Variants in LPCAT1 observed in about 807,000 individuals in gnomAD.
LPCAT1 encodes the protein lysophosphatidylcholine acyltransferase 1, also known as 1-acylglycerol-3-phosphate O-acyltransferase.
A neutral mutation model predicts 60.9 loss-of-function variants in LPCAT1; 23 were observed. That is an observed-to-expected ratio of 0.38 (90% CI 0.27 to 0.53). The LOEUF is 0.53. Ranked by LOEUF, LPCAT1 falls within the 20% of genes least tolerant of loss-of-function variation. The pLI, the probability that LPCAT1 is intolerant of heterozygous loss-of-function variation, is 0.82. For missense variants in LPCAT1, 622 were observed against 723.6 expected, an observed-to-expected ratio of 0.86 and a Z score of 1.61; for synonymous variants, 340 against 301.1, an observed-to-expected ratio of 1.13 and a Z score of -1.34.
At chr5:1,516,103 C>CACTG (rs2126621467) in intron 1 of LPCAT1, among the ~76,000 whole-genome samples, 1 of 152,346 alleles carries the variant, frequency 6.6e-6, no homozygotes, top group South Asian at 2.1e-4. Context: ...GGCTGGAGGC[C>CACTG]ACTGCCCAGT....
chr5:1,514,239 C>G (rs1736438273), intron 1 of LPCAT1, among the ~76,000 whole-genome samples: 1 of 152,240 alleles, frequency 6.6e-6, no homozygotes, highest in Non-Finnish European at 1.5e-5. Context: ...GGGCCCGGCA[C>G]AGGCCAGGCA....
intron 1 of LPCAT1, among the ~76,000 whole-genome samples, chr5:1,518,658 T>C (rs758407024): frequency 2.6e-5 from 4 of 152,290 alleles, no homozygotes; most frequent in East Asian, 3.9e-4. Context: ...AAACTTAAAA[T>C]GCACCTGCTG....
At chr5:1,484,101 G>A (rs1735280255) in intron 5 of LPCAT1, among the ~76,000 whole-genome samples, 1 of 152,246 alleles carries the variant, frequency 6.6e-6, no homozygotes, top group Admixed American at 6.5e-5. Context: ...AGGACGGGCG[G>A]ATTTGGTCAC....
chr5:1,464,631 CCA>C (rs1472367256), intron 13 of LPCAT1, among the ~76,000 whole-genome samples: 2 of 139,578 alleles, frequency 1.4e-5, no homozygotes, highest in Admixed American at 7.1e-5. Context: ...CACACGGTAA[CCA>C]CACATGCGTG....
intron 1 of LPCAT1, among the ~76,000 whole-genome samples, chr5:1,506,207 C>T (rs1736182145): frequency 6.6e-6 from 1 of 152,172 alleles, no homozygotes; most frequent in Non-Finnish European, 1.5e-5. Context: ...GAGAGGGGGC[C>T]TCTGGGAGCC....
At chr5:1,473,916 A>C in intron 11 of LPCAT1, 41 bp downstream of exon 11, 1 of 1,586,700 alleles carries the variant, frequency 6.3e-7, no homozygotes, top group Non-Finnish European at 8.6e-7. Flanking sequence ...AAAAAGCAGG[A>C]GGTTTTGCCG....
chr5:1,481,403 C>T lies in LPCAT1; in HGVS notation c.727-427G>A, dbSNP rs1265549015. Among the ~76,000 whole-genome samples the T allele has an allele frequency of 2.6e-5, 4 of 152,236 alleles. No homozygotes were observed. The highest frequency in any genetic ancestry group is 9.6e-5 in the African/African-American group (4 of 41,462). ...GACCCCGGCCCTCTCCTGCCCACCGCTCTCTCCAACTGCTCTGAGTGTTCC... is the reference window on the plus strand; with the variant it reads ...GACCCCGGCCCTCTCCTGCCCACCGTTCTCTCCAACTGCTCTGAGTGTTCC... On this transcript the variant is annotated intron_variant, in intron 6 of 13. Coordinates refer to ENST00000283415, the MANE Select transcript of LPCAT1 (RefSeq NM_024830.5). The surrounding 1 kb of genome is among the most constrained non-coding windows in gnomAD (Gnocchi z 7.8).
chr5:1,467,793 C>T (rs913352162), intron 12 of LPCAT1, among the ~76,000 whole-genome samples: 6 of 152,184 alleles, frequency 3.9e-5, no homozygotes. Context: ...CGCTCCAACC[C>T]CTGGGCTCCC....
rs758403396 is a variant in LPCAT1 at position 1,489,777 on chromosome 5, C to T, written c.575G>A (p.Arg192Lys). The T allele has an allele frequency of 3.7e-6, 6 of 1,613,982 alleles. No homozygotes were observed. The highest frequency in any genetic ancestry group is 5.1e-6 in the Non-Finnish European group (6 of 1,179,902). The change falls in exon 4 of 14, where the codon AGA becomes AAA. Residue 192 changes from arginine (R) to lysine (K), a missense_variant. By Grantham distance (26) the Arg-to-Lys change is conservative. Coordinates refer to ENST00000283415, the MANE Select transcript of LPCAT1 (RefSeq NM_024830.5). The part of the protein sequence containing the change: ...SRRKTVEEIK[R>K]RAQSNGKWPQ... Reference sequence around the variant, plus strand: ...CCACTTTCCGTTGGACTGCGCCCGTCTCTTGATTTCTTCTACTGTTTTCCT... The same window carrying T: ...CCACTTTCCGTTGGACTGCGCCCGTTTCTTGATTTCTTCTACTGTTTTCCT...
intron 9 of LPCAT1, among the ~76,000 whole-genome samples, chr5:1,475,748 ACGGCCCCGCCCAGGCCCAGGAG>A (rs1734881915): frequency 6.6e-6 from 1 of 151,552 alleles, no homozygotes; most frequent in African/African-American, 2.4e-5. Flanking sequence ...GTGGGGCTGC[ACGGCCCCGCCCAGGCCCAGGAG>A]TCCGAGGCTG....
At chr5:1,472,024 C>CGTGAGGAGCACCTGGGGCAGAGGGAGGAT (rs1491304450) in intron 11 of LPCAT1, among the ~76,000 whole-genome samples, 16 of 10,802 alleles carry the variant, frequency 1.5e-3, no homozygotes, top group African/African-American at 8.1e-3. Flanking sequence ...AGAGGGAGGA[C>CGTGAGGAGCACCTGGGGCAGAGGGAGGAT]GCTCTGGTCA....
chr5:1,466,841 C>A lies in LPCAT1; in HGVS notation c.1328G>T (p.Cys443Phe). 6.2e-7 allele frequency: 1 copy of A among 1,611,242 alleles called. No homozygotes were observed. Among genetic ancestry groups the A allele is most frequent in the East Asian group, 2.2e-5 (1 of 44,658 alleles). The stretch of plus-strand genomic sequence containing the variant: ...CACCCCCAGGGCCGTCTTGAGGATG[C>A]AGGACAGGTCACCTTCGCCGACGCT... The part of the protein sequence containing the change: ...DGSVGEGDLS[C>F]ILKTALGVAE... Residue 443 changes from cysteine to phenylalanine, a missense_variant, in exon 13 of 14, where the codon TGC becomes TTC. By Grantham distance (205) the Cys-to-Phe change is radical (BLOSUM62 -2). This residue lies in a region of LPCAT1 where 288 missense variants were observed against 283.6 expected (regional missense o/e 1.02). Coordinates refer to ENST00000283415, the MANE Select transcript of LPCAT1 (RefSeq NM_024830.5).
chr5:1,463,896 A>T, intron 13 of LPCAT1, 61 bp from the exon 14 acceptor site: 1 of 1,574,640 alleles, frequency 6.4e-7, no homozygotes, highest in Middle Eastern at 1.7e-4. Flanking sequence ...TAGGATTTGG[A>T]GGCTCTTTTC....
chr5:1,474,222 G>A, intron 10 of LPCAT1, 112 bp from the exon 11 acceptor site: 2 of 1,222,874 alleles, frequency 1.6e-6, no homozygotes, highest in East Asian at 2.5e-5. Context: ...GTAGCAGCAA[G>A]CTAGTTTTCA....
At position 1,490,853 on chromosome 5, in the gene LPCAT1, G is replaced by T. The variant is rs143204170; in HGVS notation, c.494-995C>A. Among the ~76,000 whole-genome samples, 11 of 152,252 alleles carry T rather than the reference G, an allele frequency of 7.2e-5. No homozygotes were observed. The East Asian group carries it at 1.7e-3, about 24-fold the overall frequency. On this transcript the variant is annotated intron_variant, in intron 3 of 13. Transcript: ENST00000283415. ...TGAGTGGAGCTTCCTTTTTGAGGAC[G>T]GTGAGCAGGATCCACACTCGGCGCC...
chr5:1,475,743 GCTGC>G, intron 9 of LPCAT1, among the ~76,000 whole-genome samples: 1 of 152,058 alleles, frequency 6.6e-6, no homozygotes, highest in Non-Finnish European at 1.5e-5. Flanking sequence ...CCCGAGTGGG[GCTGC>G]ACGGCCCCGC....
chr5:1,470,995 G>A lies in LPCAT1; in HGVS notation c.1180-71C>T, dbSNP rs1451011978. On this transcript the variant is annotated intron_variant, in intron 11 of 13. Transcript: ENST00000283415. ...CTGGAGAAACGCCAGGGTTTCCCAT[G>A]GGTGCTGGTGTTAATTAAAGGCCAG... 15 of 1,211,506 alleles carry A rather than the reference G, an allele frequency of 1.2e-5. No homozygotes were observed. In the East Asian group the frequency reaches 3.0e-4, roughly 25 times the overall value. 75.0% of individuals were successfully genotyped at this position (1,211,506 alleles called of 1,614,324 possible).
intron 12 of LPCAT1, 30 bp downstream of exon 12, chr5:1,470,796 C>T (rs1200298067): frequency 3.2e-6 from 5 of 1,578,546 alleles, no homozygotes; most frequent in Non-Finnish European, 4.3e-6. Flanking sequence ...CCCTGTCCCC[C>T]AGTCAAACCC....
intron 1 of LPCAT1, among the ~76,000 whole-genome samples, chr5:1,517,955 C>T (rs1019303556): frequency 1.3e-5 from 2 of 152,238 alleles, no homozygotes; most frequent in Admixed American, 6.5e-5. Context: ...AGCTGTGGGC[C>T]GCCTGCCTCC....
Sources: gnomAD v4.1 joint callset for allele counts (sites outside exome capture counted in the v4.1 genomes callset) on GRCh38, gnomAD v4.1.1 for gene constraint, gnomAD v4.1.1 regional missense constraint, Gnocchi (gnomAD v3.1) non-coding constraint, MANE v1.5 for transcripts, NCBI Gene and HGNC (gene_info 2026-07-23, HGNC 2026-07-21) for gene names.